The following LRFN5 variants were observed in gnomAD, a reference collection of about 807,000 sequenced individuals.
LRFN5 encodes leucine rich repeat and fibronectin type III domain containing 5.
A neutral mutation model predicts 45.6 loss-of-function variants in LRFN5; 24 were observed. The ratio of observed to expected loss-of-function variants is 0.53; its 90% CI spans 0.38 to 0.74. LRFN5 has a LOEUF of 0.74. Ranked by LOEUF, LRFN5 falls within the 30% of genes least tolerant of loss-of-function variation. The probability of loss-of-function intolerance (pLI) is 0.00; values close to 1 mark genes in which losing one functional copy is unlikely to be tolerated. For synonymous variants in LRFN5, 340 were observed against 313.8 expected (o/e 1.08, Z -0.88); for missense variants, 776 against 861.5 (o/e 0.90, Z 1.24).
intron 1 of LRFN5, among the ~76,000 whole-genome samples, chr14:41,697,624 G>A (rs1034686452): frequency 4.0e-5 from 6 of 148,620 alleles, no homozygotes; most frequent in Admixed American, 4.0e-4. Context: ...GTATTAAACT[G>A]TATTAACTAA....
At chr14:41,647,175 G>T (rs747680903) in intron 1 of LRFN5, among the ~76,000 whole-genome samples, 59 of 152,068 alleles carry the variant, frequency 3.9e-4, no homozygotes, top group Non-Finnish European at 6.9e-4. Flanking sequence ...TGATTTTAGT[G>T]TATTTGGATA....
intron 2 of LRFN5, among the ~76,000 whole-genome samples, chr14:41,829,372 A>G (rs868813642): frequency 6.6e-6 from 1 of 152,014 alleles, no homozygotes; most frequent in African/African-American, 2.4e-5. Flanking sequence ...CAAAAAACTC[A>G]TATCTTCCTT....
At chr14:41,647,221 T>G (rs566370410) in intron 1 of LRFN5, among the ~76,000 whole-genome samples, 3 of 152,186 alleles carry the variant, frequency 2.0e-5, no homozygotes, top group African/African-American at 7.2e-5. Context: ...ATTATAAAAT[T>G]TTTTCGATGT....
chr14:41,670,579 TTTTA>T (rs1225780078), intron 1 of LRFN5, among the ~76,000 whole-genome samples: 19 of 151,696 alleles, frequency 1.3e-4, no homozygotes, highest in Non-Finnish European at 5.9e-5. Flanking sequence ...ACACTATTAA[TTTTA>T]TTTATTATGT....
At chr14:41,678,639 G>A (rs1881746733) in intron 1 of LRFN5, among the ~76,000 whole-genome samples, 1 of 152,122 alleles carries the variant, frequency 6.6e-6, no homozygotes, top group South Asian at 2.1e-4. Context: ...AACATCTTAG[G>A]TGGATAAACT....
At chr14:41,899,388 AAC>A (rs1321303920) in intron 5 of LRFN5, among the ~76,000 whole-genome samples, 2 of 152,146 alleles carry the variant, frequency 1.3e-5, no homozygotes, top group African/African-American at 4.8e-5. Flanking sequence ...AAAACAGATG[AAC>A]AGAAGTGTTT....
intron 2 of LRFN5, among the ~76,000 whole-genome samples, chr14:41,883,254 T>C (rs959459776): frequency 2.0e-5 from 3 of 152,190 alleles, no homozygotes; most frequent in Admixed American, 6.5e-5. Flanking sequence ...AAATATGATT[T>C]ATAGCTTATC....
chr14:41,653,775 G>T (rs755944325), intron 1 of LRFN5, among the ~76,000 whole-genome samples: 1 of 152,232 alleles, frequency 6.6e-6, no homozygotes, highest in East Asian at 1.9e-4. Context: ...CTACAGGGAA[G>T]AGGAAAAGAT....
chr14:41,707,858 T>G (rs1052049391), intron 1 of LRFN5, among the ~76,000 whole-genome samples: 4 of 152,088 alleles, frequency 2.6e-5, no homozygotes, highest in African/African-American at 4.8e-5. Context: ...AAATATTAAC[T>G]GTTAATTCTT....
intron 2 of LRFN5, among the ~76,000 whole-genome samples, chr14:41,820,254 T>C (rs556352998): frequency 2.0e-5 from 3 of 152,156 alleles, no homozygotes; most frequent in Admixed American, 6.6e-5. Flanking sequence ...TCAGGTCTTA[T>C]ATTTAAATAT....
intron 5 of LRFN5, among the ~76,000 whole-genome samples, chr14:41,901,280 T>C (rs559378860): frequency 6.6e-6 from 1 of 152,234 alleles, no homozygotes; most frequent in African/African-American, 2.4e-5. Flanking sequence ...GCCAAGATTT[T>C]TATCTTTACA....
intron 1 of LRFN5, among the ~76,000 whole-genome samples, chr14:41,674,387 C>A (rs1196185022): frequency 7.2e-6 from 1 of 139,086 alleles, no homozygotes; most frequent in Non-Finnish European, 1.6e-5. Flanking sequence ...GCTGACCCCC[C>A]CACCTCCCTC....
At chr14:41,894,058 A>T in intron 4 of LRFN5, 3 of 984,176 alleles carry the variant, frequency 3.0e-6, no homozygotes, top group Non-Finnish European at 3.6e-6. Context: ...TTGCAGAAGC[A>T]TACTACTTTT....
chr14:41,826,399 C>T (rs963011581), intron 2 of LRFN5, among the ~76,000 whole-genome samples: 4 of 152,126 alleles, frequency 2.6e-5, no homozygotes, highest in Non-Finnish European at 5.9e-5. Flanking sequence ...CTTTCTCATG[C>T]TGTACTTTTA....
At chr14:41,723,638 C>G (rs1883814381) in intron 1 of LRFN5, among the ~76,000 whole-genome samples, 1 of 152,034 alleles carries the variant, frequency 6.6e-6, no homozygotes, top group Non-Finnish European at 1.5e-5. Context: ...TTCCAGGTCC[C>G]CAAGCTGACT....
chr14:41,739,422 A>G (rs998218481), intron 1 of LRFN5, among the ~76,000 whole-genome samples: 30 of 150,918 alleles, frequency 2.0e-4, no homozygotes, highest in African/African-American at 7.1e-4. Flanking sequence ...CATCATCATC[A>G]TCTTGAAGAA....
intron 1 of LRFN5, among the ~76,000 whole-genome samples, chr14:41,636,864 C>T (rs1028035732): frequency 6.6e-6 from 1 of 152,160 alleles, no homozygotes; most frequent in Non-Finnish European, 1.5e-5. Context: ...GTTTTGACTG[C>T]ACAGGCCCCA....
At chr14:41,703,538 G>GTT (rs796735713) in intron 1 of LRFN5, among the ~76,000 whole-genome samples, 1 of 150,636 alleles carries the variant, frequency 6.6e-6, no homozygotes, top group South Asian at 2.1e-4. Flanking sequence ...GTAAGACAGT[G>GTT]TTTTTTTTTG....
chr14:41,773,432 G>T (rs1886161811), intron 2 of LRFN5, among the ~76,000 whole-genome samples: 1 of 151,708 alleles, frequency 6.6e-6, no homozygotes, highest in Non-Finnish European at 1.5e-5. Context: ...GATTAATATT[G>T]TCCTCTCCTC....
Sources: gnomAD v4.1 joint callset for allele counts (sites outside exome capture counted in the v4.1 genomes callset) on GRCh38, gnomAD v4.1.1 for gene constraint, MANE v1.5 for transcripts, NCBI Gene and HGNC (gene_info 2026-07-23, HGNC 2026-07-21) for gene names.